Variants in ERC2 observed in about 807,000 individuals in gnomAD.
ERC2 encodes the protein ELKS/RAB6-interacting/CAST family member 2.
A neutral mutation model predicts 114.8 loss-of-function variants in ERC2; 42 were observed. That is an observed-to-expected ratio of 0.37 (90% confidence interval 0.29 to 0.47). ERC2 has a LOEUF of 0.47. Among genes scored for constraint, ERC2 ranks in the 20% least tolerant of loss-of-function variants. ERC2 has a pLI of 0.99. For missense variants in ERC2, 939 were observed against 1,150.7 expected, an observed-to-expected ratio of 0.82 and a Z score of 2.66; for synonymous variants, 454 against 425.5, an observed-to-expected ratio of 1.07 and a Z score of -0.82.
Position 55,627,850 on chromosome 3 carries a change from T to C in ERC2, c.*39+55944A>G, listed in dbSNP as rs887866975. Among the ~76,000 whole-genome samples, 5 of 151,462 alleles carry C rather than the reference T, an allele frequency of 3.3e-5. No individual in the cohort carries two copies. In the East Asian group the frequency reaches 9.7e-4, roughly 29 times the overall value. On this transcript the variant is annotated intron_variant, in intron 17 of 17. Transcript: ENST00000288221. ...TGTTCCTTGGAATTTTAATAGAACT[T>C]GGATGTAAAATCATCTGGACTGGGA...
intron 3 of ERC2, among the ~76,000 whole-genome samples, chr3:56,286,851 TTG>T (rs1264416084): frequency 1.3e-5 from 2 of 152,218 alleles, no homozygotes; most frequent in African/African-American, 4.8e-5. Context: ...TAGCAAGTCT[TTG>T]TAATTTTTAC....
At chr3:55,594,764 A>T (rs1159307897) in intron 17 of ERC2, among the ~76,000 whole-genome samples, 2 of 152,148 alleles carry the variant, frequency 1.3e-5, no homozygotes, top group African/African-American at 4.8e-5. Flanking sequence ...GATTACAGGC[A>T]TGAGCCACTG....
intron 14 of ERC2, among the ~76,000 whole-genome samples, chr3:55,803,383 TG>T (rs1398800383): frequency 6.6e-6 from 1 of 152,162 alleles, no homozygotes; most frequent in Non-Finnish European, 1.5e-5. Flanking sequence ...AAGGGTTTAC[TG>T]GGAAGAACAT....
intron 17 of ERC2, among the ~76,000 whole-genome samples, chr3:55,566,186 T>C (rs2056361519): frequency 6.6e-6 from 1 of 152,220 alleles, no homozygotes; most frequent in South Asian, 2.1e-4. Context: ...TTACCAATTG[T>C]GGGACTTTGA....
In ERC2 at chr3:56,194,734, C is replaced by T. The variant is rs915739299; in HGVS notation, c.1075-21214G>A. Among the ~76,000 whole-genome samples, 3 of 152,212 alleles carry T rather than the reference C, an allele frequency of 2.0e-5. No individual in the cohort carries two copies. The South Asian group carries it at 6.2e-4, about 32-fold the overall frequency. On this transcript the variant is annotated intron_variant, in intron 3 of 17. Transcript: ENST00000288221. ...CTAGGGGATAGGAATTTTTCAGCTC[C>T]ATTATAATCTTATGGGACCATTGTC... is the stretch of plus-strand genomic sequence containing the variant.
chr3:56,289,970 T>C (rs918813876), intron 3 of ERC2, among the ~76,000 whole-genome samples: 9 of 152,184 alleles, frequency 5.9e-5, no homozygotes, highest in Non-Finnish European at 1.0e-4. Context: ...ACAACAGTAT[T>C]TACTTAGCAC....
At chr3:55,952,169 ACACACACACACTCT>A (rs1374166083) in intron 12 of ERC2, among the ~76,000 whole-genome samples, 9 of 61,248 alleles carry the variant, frequency 1.5e-4, no homozygotes, top group African/African-American at 3.2e-4. Context: ...ACACACACAC[ACACACACACACTCT>A]CTCTCTCTCT....
intron 3 of ERC2, among the ~76,000 whole-genome samples, chr3:56,295,808 T>C (rs1203375966): frequency 3.9e-5 from 6 of 152,194 alleles, no homozygotes; most frequent in African/African-American, 1.4e-4. Context: ...ATCGCGGATA[T>C]GTGCTGAATA....
At chr3:55,674,031 A>G (rs1048138599) in intron 17 of ERC2, among the ~76,000 whole-genome samples, 1 of 152,010 alleles carries the variant, frequency 6.6e-6, no homozygotes, top group African/African-American at 2.4e-5. Context: ...AACAAACCCA[A>G]TGGGCAACAG....
chr3:55,568,247 G>A (rs573700192), intron 17 of ERC2, among the ~76,000 whole-genome samples: 12 of 152,160 alleles, frequency 7.9e-5, no homozygotes, highest in African/African-American at 1.9e-4. Context: ...ATGTGGGCAC[G>A]AGGAGCCCAC....
intron 10 of ERC2, among the ~76,000 whole-genome samples, chr3:56,001,075 T>A: frequency 6.7e-6 from 1 of 148,808 alleles, no homozygotes; most frequent in Non-Finnish European, 1.5e-5. Context: ...AAGTAGAGTG[T>A]TAGATAAGAA....
intron 4 of ERC2, among the ~76,000 whole-genome samples, chr3:56,168,958 A>T (rs1042412555): frequency 8.6e-5 from 13 of 151,576 alleles, no homozygotes; most frequent in African/African-American, 2.9e-4. Context: ...ATTTCCAATT[A>T]AAAAAAAAGC....
intron 13 of ERC2, among the ~76,000 whole-genome samples, chr3:55,891,377 T>C (rs551920744): frequency 3.2e-4 from 48 of 152,032 alleles, no homozygotes; most frequent in African/African-American, 1.1e-3. Flanking sequence ...GCCTCTGAGA[T>C]TGGGGGTGGT....
chr3:56,447,001 C>T (rs2062606690), intron 1 of ERC2, among the ~76,000 whole-genome samples: 1 of 152,210 alleles, frequency 6.6e-6, no homozygotes, highest in Admixed American at 6.5e-5. Flanking sequence ...GAACCGGCCT[C>T]ATAGGTGCGC....
intron 7 of ERC2, among the ~76,000 whole-genome samples, chr3:56,025,887 T>C (rs781123480): frequency 2.6e-4 from 39 of 152,158 alleles, no homozygotes; most frequent in Admixed American, 5.9e-4. Flanking sequence ...AGATCTCTTA[T>C]ACAGAGAATT....
chr3:55,882,411 C>T (rs2063156088), intron 14 of ERC2, among the ~76,000 whole-genome samples: 1 of 152,168 alleles, frequency 6.6e-6, no homozygotes, highest in Non-Finnish European at 1.5e-5. Context: ...TTTATAGCAA[C>T]ACTAAATGGA....
intron 14 of ERC2, among the ~76,000 whole-genome samples, chr3:55,818,943 T>C (rs1476565956): frequency 1.3e-5 from 2 of 152,192 alleles, no homozygotes; most frequent in East Asian, 1.9e-4. Context: ...CTTGGGCACA[T>C]AGGAAGGAAC....
In ERC2 at chr3:55,652,302, GTTT is replaced by G. The variant is rs2060659150; in HGVS notation, c.*39+31489_*39+31491del. On this transcript the variant is annotated intron_variant, in intron 17 of 17. Coordinates refer to ENST00000288221, the MANE Select transcript of ERC2 (RefSeq NM_015576.3). ...CGACAACCTGAGGCATTCTGGAACA[GTTT>G]TAGTTGACTATTGACTTTTGACATT... is the stretch of plus-strand genomic sequence containing the variant. Among the ~76,000 whole-genome samples, 4 of 152,210 alleles carry G rather than the reference GTTT, an allele frequency of 2.6e-5. 1 individual carries two copies. Among genetic ancestry groups the G allele is most frequent in the Non-Finnish European group, 5.9e-5 (4 of 68,032 alleles).
At chr3:55,872,216 T>C (rs752150575) in intron 14 of ERC2, among the ~76,000 whole-genome samples, 2 of 152,174 alleles carry the variant, frequency 1.3e-5, no homozygotes, top group Non-Finnish European at 2.9e-5. Flanking sequence ...CTCCACTCCA[T>C]TCTACAGAGG....
Sources: allele counts gnomAD v4.1 joint callset (sites outside exome capture counted in the v4.1 genomes callset), GRCh38; gene constraint gnomAD v4.1.1; transcripts MANE v1.5; gene names NCBI Gene and HGNC (gene_info 2026-07-23, HGNC 2026-07-21).